The following INPP5A variants were observed in gnomAD, a reference collection of about 807,000 sequenced individuals.
INPP5A encodes 43 kDa inositol polyphosphate 5-phophatase.
Under a neutral mutation model 65.2 loss-of-function variants are expected in INPP5A, and 14 were observed. That is an observed-to-expected ratio of 0.21 (90% CI 0.14 to 0.34). INPP5A has a LOEUF of 0.34. Among genes scored for constraint, INPP5A ranks in the 10% least tolerant of loss-of-function variants. The pLI is 1.00. For missense variants in INPP5A, 431 were observed against 545.6 expected, an observed-to-expected ratio of 0.79 and a Z score of 2.09; for synonymous variants, 207 against 208.3, an observed-to-expected ratio of 0.99 and a Z score of 0.05.
At chr10:132,646,008 A>G in intron 3 of INPP5A, 40 bp downstream of exon 3, 1 of 1,437,562 alleles carries the variant, frequency 7.0e-7, no homozygotes, top group Non-Finnish European at 9.8e-7. Context: ...TCCACTTCCC[A>G]GGGGTGTGGG....
chr10:132,631,587 G>A (rs1191486979), intron 2 of INPP5A, among the ~76,000 whole-genome samples: 2 of 152,218 alleles, frequency 1.3e-5, no homozygotes. Flanking sequence ...TTTGGAGAAC[G>A]CCTGACAGGG....
chr10:132,552,404 T>C (rs1268954915), intron 1 of INPP5A, among the ~76,000 whole-genome samples: 5 of 132,920 alleles, frequency 3.8e-5, no homozygotes, highest in South Asian at 2.5e-4. Context: ...GGAGGGAGGA[T>C]TGGTGAACGC....
Position 132,659,372 on chromosome 10 carries a change from C to T in INPP5A, c.306+8867C>T, listed in dbSNP as rs1338246008. 1.3e-5 allele frequency among the ~76,000 whole-genome samples: 2 copies of T among 152,216 alleles called. No individual in the cohort carries two copies. Among genetic ancestry groups the T allele is most frequent in the East Asian group, 1.9e-4 (1 of 5,194 alleles). On this transcript the variant is annotated intron_variant, in intron 4 of 15. Coordinates refer to ENST00000368594, the MANE Select transcript of INPP5A (RefSeq NM_005539.5). This position sits in a 1 kb window ranked among gnomAD's most constrained non-coding sequence, Gnocchi z 5.5. ...GGTCCTGGCCATCTAGCCATGGGAC[C>T]ATGGGCAGAGGGTTCCCTAGCTCTG...
chr10:132,712,799 T>C (rs1311772666), intron 8 of INPP5A, among the ~76,000 whole-genome samples: 1 of 151,398 alleles, frequency 6.6e-6, no homozygotes, highest in Non-Finnish European at 1.5e-5. Context: ...GGTGCACTGA[T>C]GCATGTGTGC....
At chr10:132,621,310 T>C (rs992829600) in intron 2 of INPP5A, among the ~76,000 whole-genome samples, 4 of 152,232 alleles carry the variant, frequency 2.6e-5, no homozygotes, top group Admixed American at 2.0e-4. Flanking sequence ...CACACCATAT[T>C]GGAGACAGGT....
At chr10:132,648,162 CCT>C (rs2072523854) in intron 3 of INPP5A, among the ~76,000 whole-genome samples, 2 of 152,338 alleles carry the variant, frequency 1.3e-5, no homozygotes, top group South Asian at 2.1e-4. Flanking sequence ...GAAAGCAGCC[CCT>C]GTTGGGAAGC....
At chr10:132,668,745 C>T (rs2072840658) in intron 4 of INPP5A, among the ~76,000 whole-genome samples, 2 of 152,208 alleles carry the variant, frequency 1.3e-5, no homozygotes. Context: ...TTGCGGCCCA[C>T]TTCACCCCTC....
intron 11 of INPP5A, among the ~76,000 whole-genome samples, 158 bp from the exon 12 acceptor site, chr10:132,765,615 C>A (rs1287755898): frequency 6.6e-6 from 1 of 152,224 alleles, no homozygotes; most frequent in Admixed American, 6.5e-5. Context: ...AACACCAGAG[C>A]CTGCTGGCAC....
rs11442789 is a variant in INPP5A at position 132,769,810 on chromosome 10, C to CCG, written c.977+3964_977+3965insCG. ...CCCCCACCCCGTAGCTCCCCCCCCC[C>CCG]AAGTTCCTGATACGTGTGGCTCCCG... On this transcript the variant is annotated intron_variant, in intron 12 of 15. Coordinates refer to ENST00000368594, the MANE Select transcript of INPP5A (RefSeq NM_005539.5). Among the ~76,000 whole-genome samples, 670 of 151,106 alleles carry CCG rather than the reference C, an allele frequency of 4.4e-3. 5 individuals are homozygous for CCG. Among genetic ancestry groups the CCG allele is most frequent in the African/African-American group, 0.015 (623 of 41,064 alleles).
chr10:132,703,992 C>G (rs1012118271), intron 6 of INPP5A, among the ~76,000 whole-genome samples: 1 of 145,262 alleles, frequency 6.9e-6, no homozygotes, highest in Non-Finnish European at 1.5e-5. Context: ...TTCACCCACA[C>G]ACACACGCAC....
intron 2 of INPP5A, among the ~76,000 whole-genome samples, chr10:132,632,537 G>T (rs1427980642): frequency 6.6e-6 from 1 of 152,142 alleles, no homozygotes; most frequent in Non-Finnish European, 1.5e-5. Flanking sequence ...CAGAATTCCC[G>T]CCAGGAAGGG....
At chr10:132,671,446 G>A (rs879371027) in intron 4 of INPP5A, among the ~76,000 whole-genome samples, 5 of 72,710 alleles carry the variant, frequency 6.9e-5, no homozygotes, top group South Asian at 5.4e-4. Flanking sequence ...CTTCGGACTC[G>A]GCCCTCCCTG....
At chr10:132,567,328 T>C (rs537910246) in intron 1 of INPP5A, among the ~76,000 whole-genome samples, 2 of 152,354 alleles carry the variant, frequency 1.3e-5, no homozygotes, top group Non-Finnish European at 2.9e-5. Flanking sequence ...TATTAATTTT[T>C]TGAGATGGGG....
chr10:132,615,425 C>A (rs187003351), intron 2 of INPP5A, among the ~76,000 whole-genome samples: 166 of 152,342 alleles, frequency 1.1e-3, no homozygotes, highest in African/African-American at 3.8e-3. Flanking sequence ...TCTGGCCCAC[C>A]GAGTTTCCTT....
At chr10:132,712,197 G>T (rs749429847) in intron 8 of INPP5A, among the ~76,000 whole-genome samples, 11 of 152,394 alleles carry the variant, frequency 7.2e-5, no homozygotes, top group Non-Finnish European at 1.0e-4. Context: ...CAGTGTGCAT[G>T]TGTGTGCCTG....
intron 4 of INPP5A, among the ~76,000 whole-genome samples, chr10:132,661,375 G>A (rs1003153620): frequency 3.9e-5 from 6 of 152,170 alleles, no homozygotes; most frequent in Non-Finnish European, 7.3e-5. Context: ...TGGCTTGTAA[G>A]CTGTCAACTT....
At position 132,777,891 on chromosome 10, in the gene INPP5A, G is replaced by A. The variant is rs548686095; in HGVS notation, c.1089+109G>A. ...CAGGGGTGGGGGCACCCAGTCTGGG[G>A]AATGCTGCCAGGTTGGGCCCTGACC... is the stretch of plus-strand genomic sequence containing the variant. On this transcript the variant is annotated intron_variant, in intron 13 of 15. Coordinates refer to ENST00000368594, the MANE Select transcript of INPP5A (RefSeq NM_005539.5). 20 of 1,532,966 alleles carry A rather than the reference G, an allele frequency of 1.3e-5. No individual in the cohort carries two copies. In the Admixed American group the frequency reaches 4.0e-4, roughly 30 times the overall value. 95.0% of individuals were successfully genotyped at this position (1,532,966 alleles called of 1,614,324 possible).
At chr10:132,751,383 G>A (rs976337571) in intron 11 of INPP5A, among the ~76,000 whole-genome samples, 1 of 152,236 alleles carries the variant, frequency 6.6e-6, no homozygotes, top group East Asian at 1.9e-4. Flanking sequence ...CATCCAGGCA[G>A]GCTGGGTTTC....
intron 11 of INPP5A, among the ~76,000 whole-genome samples, chr10:132,751,840 GTGGAGGCGGGTGCCCAGGAGGTCTCTGGA>G (rs1846485644): frequency 6.6e-6 from 1 of 151,196 alleles, no homozygotes; most frequent in African/African-American, 2.4e-5. Flanking sequence ...AAGTGCCTTC[GTGGAGGCGGGTGCCCAGGAGGTCTCTGGA>G]TGGAGGCGGG....
Sources: gnomAD v4.1 joint callset for allele counts (sites outside exome capture counted in the v4.1 genomes callset) on GRCh38, gnomAD v4.1.1 for gene constraint, Gnocchi (gnomAD v3.1) non-coding constraint, MANE v1.5 for transcripts, NCBI Gene and HGNC (gene_info 2026-07-23, HGNC 2026-07-21) for gene names.